Variants in PAPSS1 observed in about 807,000 individuals in gnomAD.
PAPSS1 encodes 3'-phosphoadenosine 5'-phosphosulfate synthase 1, also known as bifunctional 3'-phosphoadenosine 5'-phosphosulfate synthase 1.
Under a neutral mutation model 72.0 loss-of-function variants are expected in PAPSS1, and 50 were observed. The ratio of observed to expected loss-of-function variants is 0.69; its 90% CI spans 0.55 to 0.88. PAPSS1 has a LOEUF of 0.88. Ranked by LOEUF, PAPSS1 falls within the 40% of genes least tolerant of loss-of-function variation. The probability of loss-of-function intolerance (pLI) is 0.00; values close to 1 mark genes in which losing one functional copy is unlikely to be tolerated. For synonymous variants in PAPSS1, 261 were observed against 263.6 expected, an observed-to-expected ratio of 0.99 and a Z score of 0.09; for missense variants, 657 against 782.2, an observed-to-expected ratio of 0.84 and a Z score of 1.91.
intron 5 of PAPSS1, among the ~76,000 whole-genome samples, chr4:107,677,640 G>T (rs1306154883): frequency 6.6e-6 from 1 of 152,182 alleles, no homozygotes; most frequent in East Asian, 1.9e-4. Flanking sequence ...ATTCCTCAGG[G>T]ATCTAGAACT....
At position 107,687,179 on chromosome 4, in the gene PAPSS1, T is replaced by A; in HGVS notation, c.412-2A>T. 1 of 1,546,766 alleles carries A rather than the reference T, an allele frequency of 6.5e-7. No homozygotes were observed. The highest frequency in any genetic ancestry group is 8.6e-7 in the Non-Finnish European group (1 of 1,156,312). On this transcript the variant is annotated splice_acceptor_variant, in intron 3 of 11. Coordinates refer to ENST00000265174, the MANE Select transcript of PAPSS1 (RefSeq NM_005443.5). LOFTEE classifies it high-confidence loss of function. ...AATTTGCCTTGCATTGTTGCGATCC[T>A]TAAAAAAAAATAAAATAAAAAGTGA...
chr4:107,623,797 G>A (rs1287499384), intron 11 of PAPSS1, among the ~76,000 whole-genome samples: 1 of 152,146 alleles, frequency 6.6e-6, no homozygotes, highest in Non-Finnish European at 1.5e-5. Flanking sequence ...TTTTACCAGG[G>A]CAAAAGCAGC....
chr4:107,656,946 A>G lies in PAPSS1; in HGVS notation c.845T>C (p.Met282Thr). The change falls in exon 7 of 12, where the codon ATG becomes ACG. Residue 282 changes from methionine (M) to threonine (T), a missense_variant. By Grantham distance (81) the Met-to-Thr change is moderately conservative (BLOSUM62 -1). This residue lies in a region of PAPSS1 where 190 missense variants were observed against 176.7 expected (regional missense o/e 1.07). Coordinates refer to ENST00000265174, the MANE Select transcript of PAPSS1 (RefSeq NM_005443.5). ...EGWATPLNGFMREREYLQCLH... is the reference protein window; with the variant it reads ...EGWATPLNGFTREREYLQCLH... ...GCACTGCAAGTACTCCCTCTCTCTC[A>G]TAAAGCCATTCAATGGGGTTGCCCA... 3 of 1,613,946 alleles carry G rather than the reference A, an allele frequency of 1.9e-6. No individual in the cohort carries two copies. The highest frequency in any genetic ancestry group is 2.5e-6 in the Non-Finnish European group (3 of 1,179,810).
intron 1 of PAPSS1, among the ~76,000 whole-genome samples, chr4:107,705,483 T>C (rs1000194001): frequency 6.6e-6 from 1 of 152,238 alleles, no homozygotes; most frequent in African/African-American, 2.4e-5. Context: ...ATAAGTTTCC[T>C]GGGGCGTCCC....
At chr4:107,694,027 C>G in intron 2 of PAPSS1, 21 bp from the exon 3 acceptor site, 1 of 1,506,966 alleles carries the variant, frequency 6.6e-7, no homozygotes. Context: ...ACAGTCCAAA[C>G]AGATTCCATG....
chr4:107,619,603 G>T (rs755542284), intron 11 of PAPSS1, among the ~76,000 whole-genome samples: 8 of 152,114 alleles, frequency 5.3e-5, no homozygotes, highest in Non-Finnish European at 1.2e-4. Flanking sequence ...TCTGGAATGG[G>T]CTAAAATTAT....
intron 1 of PAPSS1, 71 bp from the exon 2 acceptor site, chr4:107,701,356 AAC>A: frequency 1.0e-6 from 1 of 966,940 alleles, no homozygotes; most frequent in Non-Finnish European, 1.6e-6. Flanking sequence ...ATTCCTTGCA[AAC>A]ACACAAAAGT....
At chr4:107,709,250 A>G (rs1300617259) in intron 1 of PAPSS1, among the ~76,000 whole-genome samples, 1 of 152,244 alleles carries the variant, frequency 6.6e-6, no homozygotes, top group African/African-American at 2.4e-5. Flanking sequence ...ATCAAAGAGC[A>G]CTTTTATAAA....
intron 10 of PAPSS1, among the ~76,000 whole-genome samples, chr4:107,644,356 G>A (rs763401103): frequency 6.6e-6 from 1 of 152,148 alleles, no homozygotes; most frequent in Non-Finnish European, 1.5e-5. Context: ...GGAAAGGAAC[G>A]TGCCTATCTC....
At chr4:107,649,713 C>T (rs1417036107) in intron 9 of PAPSS1, among the ~76,000 whole-genome samples, 1 of 152,246 alleles carries the variant, frequency 6.6e-6, no homozygotes, top group Admixed American at 6.5e-5. Context: ...CACTTACACA[C>T]TTAAAATGTA....
chr4:107,664,126 G>A (rs909235682), intron 5 of PAPSS1, among the ~76,000 whole-genome samples: 2 of 152,158 alleles, frequency 1.3e-5, no homozygotes, highest in African/African-American at 4.8e-5. Flanking sequence ...TCCCTTAGCA[G>A]GATATGCAGT....
chr4:107,673,605 CA>C, intron 5 of PAPSS1, among the ~76,000 whole-genome samples: 1 of 152,188 alleles, frequency 6.6e-6, no homozygotes, highest in Middle Eastern at 3.4e-3. Flanking sequence ...CTGAAAGTGA[CA>C]GGGAGAATGA....
At chr4:107,708,629 A>G (rs1461623751) in intron 1 of PAPSS1, among the ~76,000 whole-genome samples, 1 of 152,366 alleles carries the variant, frequency 6.6e-6, no homozygotes, top group East Asian at 1.9e-4. Flanking sequence ...ATGGCTGAGA[A>G]AAAATACAGA....
chr4:107,658,187 C>T (rs1727069628), intron 6 of PAPSS1, among the ~76,000 whole-genome samples: 2 of 149,264 alleles, frequency 1.3e-5, no homozygotes, highest in Admixed American at 1.3e-4. Context: ...TAAGAAGAGC[C>T]TTGGTCCATC....
intron 10 of PAPSS1, among the ~76,000 whole-genome samples, chr4:107,640,273 G>A (rs548534463): frequency 4.6e-4 from 70 of 152,004 alleles, no homozygotes; most frequent in African/African-American, 1.5e-3. Context: ...TCACATCCTC[G>A]CCTCCTCCAT....
chr4:107,633,893 T>C lies in PAPSS1; in HGVS notation c.1507-2033A>G, dbSNP rs141005017. On this transcript the variant is annotated intron_variant, in intron 10 of 11. Coordinates refer to ENST00000265174, the MANE Select transcript of PAPSS1 (RefSeq NM_005443.5). Reference sequence around the variant, plus strand: ...GAGATAGCACCACTGCAGTCCGGCCTGGGCGAAAGAACGAGACTCCGTCTC... The same window carrying C: ...GAGATAGCACCACTGCAGTCCGGCCCGGGCGAAAGAACGAGACTCCGTCTC... Among the ~76,000 whole-genome samples, 3 of 120,702 alleles carry C rather than the reference T, an allele frequency of 2.5e-5. No homozygotes were observed. In the East Asian group the frequency reaches 7.1e-4, roughly 29 times the overall value. 79.2% of individuals were successfully genotyped at this position (120,702 alleles called of 152,430 possible).
intron 11 of PAPSS1, among the ~76,000 whole-genome samples, chr4:107,626,177 C>CA (rs11395725): frequency 0.44 from 42,606 of 97,246 alleles, 7,740 homozygotes; most frequent in South Asian, 0.55. Context: ...GACTCTGTCT[C>CA]AAAAAAAAAA....
chr4:107,717,169 T>C (rs1373178895), intron 1 of PAPSS1, among the ~76,000 whole-genome samples: 2 of 152,204 alleles, frequency 1.3e-5, no homozygotes, highest in East Asian at 1.9e-4. Context: ...ACTGAAATGA[T>C]AGCATTTGGG....
chr4:107,680,684 T>TA (rs1415346784), intron 5 of PAPSS1, among the ~76,000 whole-genome samples: 2 of 152,184 alleles, frequency 1.3e-5, no homozygotes, highest in Admixed American at 1.3e-4. Flanking sequence ...TGGTGGGCTT[T>TA]TAATCAATGT....
Sources: gnomAD v4.1 joint callset for allele counts (sites outside exome capture counted in the v4.1 genomes callset) on GRCh38, gnomAD v4.1.1 for gene constraint, gnomAD v4.1.1 regional missense constraint, MANE v1.5 for transcripts, NCBI Gene and HGNC (gene_info 2026-07-23, HGNC 2026-07-21) for gene names.